Variants in SLC25A53 observed in about 807,000 individuals in gnomAD.
SLC25A53 encodes mitochondrial carrier triple repeat protein 6.
In SLC25A53, 5 loss-of-function variants were observed where a neutral mutation model predicts 15.0. That is an observed-to-expected ratio of 0.33 (90% confidence interval 0.17 to 0.70). The LOEUF (loss-of-function observed/expected upper bound fraction) is 0.70, where lower values mean the gene tolerates loss of function less well. Ranked by LOEUF, SLC25A53 falls within the 30% of genes least tolerant of loss-of-function variation. SLC25A53 has a pLI of 0.67. For missense variants in SLC25A53, 216 were observed against 241.6 expected (o/e 0.89, Z 0.70); for synonymous variants, 95 against 100.0 (o/e 0.95, Z 0.30).
intron 1 of SLC25A53, among the ~76,000 whole-genome samples, chrX:104,120,403 C>T (rs1440261428): frequency 8.9e-6 from 1 of 111,927 alleles, no homozygotes; most frequent in African/African-American, 3.2e-5. Context: ...ATAACTTTTG[C>T]TTGAGGTTTT....
intron 1 of SLC25A53, among the ~76,000 whole-genome samples, chrX:104,118,231 A>G (rs782342241): frequency 7.7e-4 from 86 of 111,746 alleles, no homozygotes; most frequent in Non-Finnish European, 1.4e-3. Context: ...CTTCATTCTC[A>G]TTAGTCGCCA....
Position 104,104,067 on chromosome X carries a change from T to G in SLC25A53, c.*267A>C. 2 of 321,172 alleles carry G rather than the reference T, an allele frequency of 6.2e-6. No individual in the cohort carries two copies. The highest frequency in any genetic ancestry group is 1.1e-5 in the Non-Finnish European group (2 of 183,512). The allele number at this position is 321,172 out of a possible 1,213,427, so 26.5% of individuals were successfully genotyped here. A position where few individuals can be genotyped will look rare whatever the true frequency, so the allele number is the denominator to read the frequency against. On this transcript the variant is annotated 3_prime_UTR_variant, in exon 2 of 2. Transcript: ENST00000594199. The stretch of plus-strand genomic sequence containing the variant: ...AATTCCTTAAAGGAATGACACTTAA[T>G]CTGGGTTACATGTTATTTAAAGGCC...
intron 1 of SLC25A53, among the ~76,000 whole-genome samples, chrX:104,137,481 C>G (rs191930051): frequency 9.0e-6 from 1 of 111,197 alleles, no homozygotes; most frequent in East Asian, 2.8e-4. Context: ...CAAACATAAA[C>G]CTGAAAAAGC....
chrX:104,154,934 T>C (rs917234742), intron 1 of SLC25A53, among the ~76,000 whole-genome samples: 1 of 112,229 alleles, frequency 8.9e-6, no homozygotes, highest in African/African-American at 3.2e-5. Flanking sequence ...GTGATGAATA[T>C]GTTATTTACC....
At chrX:104,106,156 C>T (rs2075308515) in intron 1 of SLC25A53, among the ~76,000 whole-genome samples, 1 of 110,889 alleles carries the variant, frequency 9.0e-6, no homozygotes, top group African/African-American at 3.3e-5. Context: ...GGCAAAACTG[C>T]TCCCGGCTTA....
chrX:104,106,225 C>T (rs1319667858), intron 1 of SLC25A53, among the ~76,000 whole-genome samples: 5 of 110,793 alleles, frequency 4.5e-5, no homozygotes, highest in Non-Finnish European at 9.4e-5. Flanking sequence ...GCTCCTTACC[C>T]CAGAAAGGCC....
At position 104,137,073 on chromosome X, in the gene SLC25A53, C is replaced by T. The variant is rs182471283; in HGVS notation, c.-32+19805G>A. Reference sequence around the variant, plus strand: ...CAGTGAGGTAGATAATATGATTATCCTCGTGTTACAGATGAAGCAAAAGAG... The same window carrying T: ...CAGTGAGGTAGATAATATGATTATCTTCGTGTTACAGATGAAGCAAAAGAG... On this transcript the variant is annotated intron_variant, in intron 1 of 1. Coordinates refer to ENST00000594199, the MANE Select transcript of SLC25A53 (RefSeq NM_001012755.5). Among the ~76,000 whole-genome samples, 130 of 111,179 alleles carry T rather than the reference C, an allele frequency of 1.2e-3. 1 individual carries two copies. The highest frequency in any genetic ancestry group is 9.9e-3 in the Admixed American group (103 of 10,418).
intron 1 of SLC25A53, among the ~76,000 whole-genome samples, chrX:104,152,324 G>A (rs1369566003): frequency 9.7e-6 from 1 of 103,308 alleles, no homozygotes. Flanking sequence ...GAGAACATGC[G>A]GTGTTTGGTT....
chrX:104,118,990 G>A (rs782099326), intron 1 of SLC25A53, among the ~76,000 whole-genome samples: 2 of 111,978 alleles, frequency 1.8e-5, no homozygotes, highest in African/African-American at 6.5e-5. Context: ...CTTCAGAGTT[G>A]CATTATCACA....
chrX:104,118,093 T>C (rs782226657), intron 1 of SLC25A53, among the ~76,000 whole-genome samples: 2 of 112,777 alleles, frequency 1.8e-5, no homozygotes, highest in Non-Finnish European at 3.7e-5. Context: ...TCAAGAAGTA[T>C]GTATTTTCCC....
intron 1 of SLC25A53, among the ~76,000 whole-genome samples, chrX:104,110,018 A>C (rs1168802276): frequency 9.0e-6 from 1 of 110,929 alleles, no homozygotes; most frequent in African/African-American, 3.3e-5. Flanking sequence ...TGCAAATACT[A>C]CCCCCATCCC....
At chrX:104,111,996 G>A (rs1556359004) in intron 1 of SLC25A53, 2 of 111,776 alleles carry the variant, frequency 1.8e-5, no homozygotes, top group African/African-American at 6.5e-5. Context: ...GGTGACTTGG[G>A]TGTGAGCTCT....
intron 1 of SLC25A53, among the ~76,000 whole-genome samples, chrX:104,105,649 A>C (rs1189410369): frequency 8.9e-6 from 1 of 112,611 alleles, no homozygotes; most frequent in Non-Finnish European, 1.9e-5. Context: ...AAACTACTTG[A>C]ATAATACATT....
chrX:104,151,363 C>T (rs1332657434), intron 1 of SLC25A53, among the ~76,000 whole-genome samples: 1 of 111,624 alleles, frequency 9.0e-6, no homozygotes, highest in Non-Finnish European at 1.9e-5. Flanking sequence ...CCACCTCCTC[C>T]TCCTCCTCCT....
At chrX:104,108,941 G>T (rs1455124331) in intron 1 of SLC25A53, among the ~76,000 whole-genome samples, 2 of 112,213 alleles carry the variant, frequency 1.8e-5, no homozygotes, top group Non-Finnish European at 3.8e-5. Flanking sequence ...CAACTAGCTT[G>T]GGAGACAGGT....
At chrX:104,156,039 T>C (rs1218989472) in intron 1 of SLC25A53, among the ~76,000 whole-genome samples, 2 of 78,135 alleles carry the variant, frequency 2.6e-5, no homozygotes, top group African/African-American at 1.1e-4. Context: ...GCGACAGAAG[T>C]AGAGAGACTC....
chrX:104,115,040 T>C (rs1556360882), intron 1 of SLC25A53: 1 of 1,196,012 alleles, frequency 8.4e-7, no homozygotes, highest in Admixed American at 2.3e-5. Context: ...GTGCTGGTTA[T>C]TGATTCCCCC....
chrX:104,113,418 C>T (rs2075359387), intron 1 of SLC25A53: 1 of 110,866 alleles, frequency 9.0e-6, no homozygotes, highest in African/African-American at 3.3e-5. Flanking sequence ...CTTCCTTTCC[C>T]TCCTTCGCGG....
intron 1 of SLC25A53, among the ~76,000 whole-genome samples, chrX:104,141,302 G>A (rs1234253317): frequency 9.0e-6 from 1 of 111,114 alleles, no homozygotes; most frequent in African/African-American, 3.3e-5. Flanking sequence ...TCCAGCTGCT[G>A]GGACAACTGG....
Sources: allele counts gnomAD v4.1 joint callset (sites outside exome capture counted in the v4.1 genomes callset), GRCh38; gene constraint gnomAD v4.1.1; transcripts MANE v1.5; gene names NCBI Gene and HGNC (gene_info 2026-07-23, HGNC 2026-07-21).